PTPRN2: variants seen among roughly 807,000 people sequenced by gnomAD.
PTPRN2 encodes the protein protein tyrosine phosphatase receptor type N2.
Under a neutral mutation model 118.8 loss-of-function variants are expected in PTPRN2, and 74 were observed. That is an observed-to-expected ratio of 0.62 (90% CI 0.52 to 0.76). The LOEUF (loss-of-function observed/expected upper bound fraction) is 0.76, where lower values mean the gene tolerates loss of function less well. PTPRN2 is among the 30% of genes least tolerant of loss of function. The probability of loss-of-function intolerance (pLI) is 0.00; values close to 1 mark genes in which losing one functional copy is unlikely to be tolerated. For missense variants in PTPRN2, 1,481 were observed against 1,394.4 expected (o/e 1.06, Z -0.99); for synonymous variants, 641 against 608.0 (o/e 1.05, Z -0.80).
At chr7:157,858,113 CCCA>C (rs1563179049) in intron 12 of PTPRN2, among the ~76,000 whole-genome samples, 1 of 107,256 alleles carries the variant, frequency 9.3e-6, no homozygotes, top group Admixed American at 8.8e-5. Flanking sequence ...GGGAGAGCCT[CCCA>C]GCCACCACCC....
At chr7:158,483,287 T>C (rs1276237207) in intron 2 of PTPRN2, among the ~76,000 whole-genome samples, 1 of 152,214 alleles carries the variant, frequency 6.6e-6, no homozygotes, top group Non-Finnish European at 1.5e-5. Context: ...CCCACTATGG[T>C]ATATAAATCT....
rs148054623 is a variant in PTPRN2 at position 158,247,054 on chromosome 7, T to C, written c.278-41781A>G. 1.2e-3 allele frequency among the ~76,000 whole-genome samples: 181 copies of C among 152,314 alleles called. 1 individual carries two copies. Among genetic ancestry groups the C allele is most frequent in the African/African-American group, 4.3e-3 (178 of 41,580 alleles). On this transcript the variant is annotated intron_variant, in intron 3 of 22. Transcript: ENST00000389418. Reference sequence around the variant, plus strand: ...GGGAGACATGTGTGAGGACGCACGATGGGGTTAGGCAGCCTGAGAAACCAT... The same window carrying C: ...GGGAGACATGTGTGAGGACGCACGACGGGGTTAGGCAGCCTGAGAAACCAT...
chr7:158,250,332 T>C (rs1357213861), intron 3 of PTPRN2, among the ~76,000 whole-genome samples: 3 of 152,196 alleles, frequency 2.0e-5, no homozygotes, highest in African/African-American at 7.2e-5. Context: ...AGATTCTTTC[T>C]AATGCATATA....
intron 12 of PTPRN2, among the ~76,000 whole-genome samples, chr7:157,833,566 C>G (rs1468082138): frequency 6.6e-6 from 1 of 151,748 alleles, no homozygotes; most frequent in East Asian, 1.9e-4. Flanking sequence ...GTGGCCGGTG[C>G]CCATCTATCC....
chr7:157,581,012 CT>C (rs1182364007), intron 17 of PTPRN2, among the ~76,000 whole-genome samples: 1 of 143,846 alleles, frequency 7.0e-6, no homozygotes, highest in Admixed American at 6.9e-5. Flanking sequence ...ACCCGAGCCC[CT>C]GCACACCCCA....
At chr7:158,582,763 C>A (rs1828696469) in intron 1 of PTPRN2, among the ~76,000 whole-genome samples, 1 of 134,030 alleles carries the variant, frequency 7.5e-6, no homozygotes, top group African/African-American at 2.9e-5. Context: ...CGCCATTGTA[C>A]TCCAGCCTGG....
chr7:158,059,628 G>A (rs1210047579), intron 11 of PTPRN2, among the ~76,000 whole-genome samples: 1 of 107,982 alleles, frequency 9.3e-6, no homozygotes, highest in Non-Finnish European at 1.8e-5. Context: ...ACACATCACT[G>A]CAGCCACACT....
intron 11 of PTPRN2, among the ~76,000 whole-genome samples, chr7:157,999,675 G>T (rs966979236): frequency 2.0e-5 from 3 of 152,088 alleles, no homozygotes; most frequent in African/African-American, 7.2e-5. Context: ...GCTGTTCTCC[G>T]CGAGTCCCTG....
intron 12 of PTPRN2, among the ~76,000 whole-genome samples, chr7:157,828,081 T>A (rs1057039564): frequency 2.0e-5 from 3 of 152,190 alleles, no homozygotes; most frequent in Non-Finnish European, 4.4e-5. Flanking sequence ...AGTTCTGGTT[T>A]TCCTCCTTCC....
intron 11 of PTPRN2, among the ~76,000 whole-genome samples, chr7:158,070,902 G>GTA (rs1310686939): frequency 2.2e-5 from 3 of 135,704 alleles, no homozygotes; most frequent in African/African-American, 3.0e-5. Flanking sequence ...GCCCATGGTA[G>GTA]TGGAGGTGCC....
chr7:158,104,572 C>A (rs1399964614), intron 10 of PTPRN2, among the ~76,000 whole-genome samples: 2 of 152,102 alleles, frequency 1.3e-5, no homozygotes, highest in African/African-American at 4.8e-5. Context: ...GAGGCCTTGT[C>A]AGTAGTGGAG....
chr7:158,228,524 C>G (rs531045246), intron 3 of PTPRN2, among the ~76,000 whole-genome samples: 1 of 151,970 alleles, frequency 6.6e-6, no homozygotes, highest in East Asian at 1.9e-4. Flanking sequence ...GCAGTAGAAG[C>G]AAGGTGACTT....
At chr7:158,355,026 GA>G (rs56276927) in intron 2 of PTPRN2, among the ~76,000 whole-genome samples, 2,069 of 149,642 alleles carry the variant, frequency 0.014, 30 homozygotes, top group African/African-American at 0.04. Flanking sequence ...GTCTTGAAAG[GA>G]AAAAAAAAAA....
chr7:158,515,610 C>CT (rs549005468), intron 1 of PTPRN2, among the ~76,000 whole-genome samples: 40 of 152,288 alleles, frequency 2.6e-4, no homozygotes, highest in Non-Finnish European at 4.4e-4. Flanking sequence ...GTCCCAGGGG[C>CT]TTTTTCCACC....
At chr7:157,913,294 CA>C (rs1354440329) in intron 11 of PTPRN2, among the ~76,000 whole-genome samples, 2 of 152,116 alleles carry the variant, frequency 1.3e-5, no homozygotes, top group African/African-American at 4.8e-5. Context: ...TATCTAATTC[CA>C]TTAGTTTACC....
At chr7:158,262,837 T>C (rs1563055222) in intron 3 of PTPRN2, among the ~76,000 whole-genome samples, 1 of 127,126 alleles carries the variant, frequency 7.9e-6, no homozygotes, top group Non-Finnish European at 1.6e-5. Context: ...ATTCACACAC[T>C]ACACACACAT....
chr7:157,647,062 GGTGGGTCGGACCCATTCA>G (rs2150710976), intron 14 of PTPRN2, among the ~76,000 whole-genome samples: 1 of 148,010 alleles, frequency 6.8e-6, no homozygotes, highest in Non-Finnish European at 1.5e-5. Context: ...CACTGAACTC[GGTGGGTCGGACCCATTCA>G]CTGTGCACTG....
At chr7:158,403,038 G>A (rs980568850) in intron 2 of PTPRN2, among the ~76,000 whole-genome samples, 6 of 152,182 alleles carry the variant, frequency 3.9e-5, no homozygotes, top group African/African-American at 1.4e-4. Context: ...TGCCTCCCAC[G>A]GCTTCTTCAT....
In PTPRN2 at chr7:158,065,220, T is replaced by C. The variant is rs372603325; in HGVS notation, c.1723+16078A>G. Among the ~76,000 whole-genome samples, 218 of 152,356 alleles carry C rather than the reference T, an allele frequency of 1.4e-3. 1 individual carries two copies. The highest frequency in any genetic ancestry group is 4.9e-3 in the African/African-American group (205 of 41,590). On this transcript the variant is annotated intron_variant, in intron 11 of 22. Transcript: ENST00000389418. ...GGAACACCAACGTCTCTCCTGGTCA[T>C]GGGCCCCAAGATGCACTCAGGCGTG...
Sources: gnomAD v4.1 joint callset for allele counts (sites outside exome capture counted in the v4.1 genomes callset) on GRCh38, gnomAD v4.1.1 for gene constraint, MANE v1.5 for transcripts, NCBI Gene and HGNC (gene_info 2026-07-23, HGNC 2026-07-21) for gene names.